CSMD3: variants seen among roughly 807,000 people sequenced by gnomAD.
CSMD3 encodes the protein CUB and sushi domain-containing protein 3.
CSMD3 carries 177 observed loss-of-function variants against 435.2 expected under a neutral mutation model. The ratio of observed to expected loss-of-function variants is 0.41; its 90% CI spans 0.36 to 0.46. The LOEUF (loss-of-function observed/expected upper bound fraction) is 0.46, where lower values mean the gene tolerates loss of function less well. CSMD3 is among the 20% of genes least tolerant of loss of function. CSMD3 has a pLI of 0.34. For synonymous variants in CSMD3, 1,656 were observed against 1,520.5 expected (o/e 1.09, Z -2.07); for missense variants, 4,265 against 4,504.6 (o/e 0.95, Z 1.52).
chr8:113,434,466 T>C lies in CSMD3; in HGVS notation c.178+2211A>G, dbSNP rs1285035255. On this transcript the variant is annotated intron_variant, in intron 1 of 70. Coordinates refer to ENST00000297405, the MANE Select transcript of CSMD3 (RefSeq NM_198123.2). The stretch of plus-strand genomic sequence containing the variant: ...GGAAAGGGAGAGTAAAAAGCAACTA[T>C]CAAAATTGGCATCATTCGGAGATTG... Among the ~76,000 whole-genome samples, 7 of 152,130 alleles carry C rather than the reference T, an allele frequency of 4.6e-5. No homozygotes were observed. In the East Asian group the frequency reaches 1.4e-3, roughly 29 times the overall value.
At chr8:112,497,410 T>C (rs529817472) in intron 30 of CSMD3, among the ~76,000 whole-genome samples, 49 of 151,718 alleles carry the variant, frequency 3.2e-4, no homozygotes, top group Non-Finnish European at 6.0e-4. Context: ...ATGTGATGGA[T>C]ACCCCATTTA....
intron 10 of CSMD3, among the ~76,000 whole-genome samples, chr8:112,886,476 T>C (rs2130272801): frequency 6.6e-6 from 1 of 151,604 alleles, no homozygotes; most frequent in East Asian, 2.0e-4. Flanking sequence ...TTTCAAGCAA[T>C]TCCTATCCTG....
intron 1 of CSMD3, among the ~76,000 whole-genome samples, chr8:113,388,037 T>C (rs1476610281): frequency 6.6e-6 from 1 of 151,622 alleles, no homozygotes; most frequent in East Asian, 1.9e-4. Flanking sequence ...CCCGCTATGT[T>C]TTGGGGAGGG....
At chr8:112,942,497 T>A in intron 9 of CSMD3, among the ~76,000 whole-genome samples, 1 of 151,472 alleles carries the variant, frequency 6.6e-6, no homozygotes, top group East Asian at 1.9e-4. Context: ...ATAAAGAAAA[T>A]ATGGTACATA....
At chr8:112,504,024 AATT>A (rs768549013) in intron 29 of CSMD3, 47 bp from the exon 30 acceptor site, 29 of 1,213,434 alleles carry the variant, frequency 2.4e-5, no homozygotes, top group Middle Eastern at 1.9e-4. Context: ...GAAGTAGGAT[AATT>A]ATTATTAGGC....
At chr8:112,587,646 C>T (rs1448757371) in intron 22 of CSMD3, among the ~76,000 whole-genome samples, 1 of 151,766 alleles carries the variant, frequency 6.6e-6, no homozygotes, top group Non-Finnish European at 1.5e-5. Flanking sequence ...AACATTTTTA[C>T]CTTTTTAATT....
chr8:113,324,587 G>A (rs778025837), intron 1 of CSMD3, among the ~76,000 whole-genome samples: 1 of 152,188 alleles, frequency 6.6e-6, no homozygotes. Flanking sequence ...TGCCCAGCCA[G>A]AAGTTTTCTG....
At chr8:112,842,488 T>G (rs1029474876) in intron 11 of CSMD3, among the ~76,000 whole-genome samples, 10 of 151,754 alleles carry the variant, frequency 6.6e-5, no homozygotes, top group African/African-American at 1.7e-4. Flanking sequence ...ATTAGTGTTG[T>G]TGGTGGTGGT....
intron 1 of CSMD3, among the ~76,000 whole-genome samples, chr8:113,378,709 C>G (rs1292975594): frequency 6.6e-6 from 1 of 151,832 alleles, no homozygotes; most frequent in Non-Finnish European, 1.5e-5. Flanking sequence ...ATTGCCACTC[C>G]CCACCATGGG....
rs34891739 is a variant in CSMD3 at position 112,732,699 on chromosome 8, C to CAAAA, written c.1973-42653_1973-42650dup. ...TGGGTGACAGAGCAAGACTCCATCT[C>CAAAA]AAAAAAAAAAAAAAAAAGAAAAAAG... On this transcript the variant is annotated intron_variant, in intron 13 of 70. Coordinates refer to ENST00000297405, the MANE Select transcript of CSMD3 (RefSeq NM_198123.2). Among the ~76,000 whole-genome samples, 4 of 97,188 alleles carry CAAAA rather than the reference C, an allele frequency of 4.1e-5. 1 individual carries two copies. Among genetic ancestry groups the CAAAA allele is most frequent in the Non-Finnish European group, 7.0e-5 (3 of 43,058 alleles). 63.8% of individuals were successfully genotyped at this position (97,188 alleles called of 152,430 possible).
chr8:112,361,220 C>T (rs889644128), intron 38 of CSMD3, among the ~76,000 whole-genome samples: 1 of 151,666 alleles, frequency 6.6e-6, no homozygotes, highest in Non-Finnish European at 1.5e-5. Context: ...GCAACCAAAG[C>T]TGCTCTCTGA....
intron 2 of CSMD3, among the ~76,000 whole-genome samples, chr8:113,302,330 A>G (rs2093779118): frequency 6.9e-6 from 1 of 144,158 alleles, no homozygotes; most frequent in African/African-American, 2.5e-5. Flanking sequence ...ATAATATAAT[A>G]TAATAATAAA....
chr8:113,342,730 G>T (rs947535806), intron 1 of CSMD3, among the ~76,000 whole-genome samples: 3 of 152,096 alleles, frequency 2.0e-5, no homozygotes, highest in Admixed American at 6.6e-5. Context: ...GCTTTCCATA[G>T]ATCTCACTCA....
chr8:113,152,732 C>A (rs2091837706), intron 4 of CSMD3, among the ~76,000 whole-genome samples: 2 of 152,054 alleles, frequency 1.3e-5, no homozygotes, highest in South Asian at 2.1e-4. Flanking sequence ...GTAATCCCAG[C>A]ACTTTGGGAG....
chr8:113,340,806 T>C (rs2094113314), intron 1 of CSMD3, among the ~76,000 whole-genome samples: 2 of 151,514 alleles, frequency 1.3e-5, no homozygotes, highest in Non-Finnish European at 2.9e-5. Flanking sequence ...AAGTCGGAGG[T>C]TGCAGTGAAC....
At chr8:112,739,028 T>C (rs1016867328) in intron 13 of CSMD3, among the ~76,000 whole-genome samples, 3 of 151,642 alleles carry the variant, frequency 2.0e-5, no homozygotes, top group East Asian at 3.9e-4. Context: ...ACTGCAAGCT[T>C]GCAAAGGTTC....
At chr8:113,010,170 G>C (rs1048898922) in intron 6 of CSMD3, among the ~76,000 whole-genome samples, 6 of 151,574 alleles carry the variant, frequency 4.0e-5, no homozygotes, top group African/African-American at 1.5e-4. Context: ...CACAGCAGAA[G>C]TAGATCCCTA....
At chr8:112,970,416 A>G (rs75901268) in intron 7 of CSMD3, among the ~76,000 whole-genome samples, 59 of 138,214 alleles carry the variant, frequency 4.3e-4, no homozygotes, top group Non-Finnish European at 1.3e-4. Context: ...AAAAAAAAAA[A>G]GAAAAGATAT....
rs557516594 is a variant in CSMD3, at chr8:113,334,358, T to C, written c.179-19565A>G. ...ATTGGGATGATATACTTATTTTGTA[T>C]AATCTCTTAATATGGTGGATGACAT... On this transcript the variant is annotated intron_variant, in intron 1 of 70. Transcript: ENST00000297405. Among the ~76,000 whole-genome samples, 12 of 150,534 alleles carry C rather than the reference T, an allele frequency of 8.0e-5. No homozygotes were observed. The East Asian group carries it at 2.4e-3, about 30-fold the overall frequency.
Sources: allele counts gnomAD v4.1 joint callset (sites outside exome capture counted in the v4.1 genomes callset), GRCh38; gene constraint gnomAD v4.1.1; transcripts MANE v1.5; gene names NCBI Gene and HGNC (gene_info 2026-07-23, HGNC 2026-07-21).